The following SARNP variants were observed in gnomAD, a reference collection of about 807,000 sequenced individuals.
SARNP encodes SAP domain-containing ribonucleoprotein.
A neutral mutation model predicts 38.1 loss-of-function variants in SARNP; 5 were observed. The observed-to-expected ratio is 0.13, with a 90% confidence interval of 0.07 to 0.28. The LOEUF (loss-of-function observed/expected upper bound fraction) is 0.28, where lower values mean the gene tolerates loss of function less well. Ranked by LOEUF, SARNP falls within the 10% of genes least tolerant of loss-of-function variation. SARNP has a pLI of 1.00. For missense variants in SARNP, 180 were observed against 243.9 expected (o/e 0.74, Z 1.75); for synonymous variants, 84 against 80.6 (o/e 1.04, Z -0.23).
chr12:55,800,191 A>G (rs1247575928), intron 4 of SARNP, among the ~76,000 whole-genome samples: 1 of 135,468 alleles, frequency 7.4e-6, no homozygotes, highest in Non-Finnish European at 1.5e-5. Context: ...ATCCTGTCTC[A>G]AAAAAAAAAA....
intron 5 of SARNP, 42 bp downstream of exon 5, chr12:55,795,983 G>A (rs376857767): frequency 1.5e-6 from 2 of 1,352,166 alleles, no homozygotes; most frequent in Non-Finnish European, 2.1e-6. Flanking sequence ...AAGAGGGAGA[G>A]AGAAATGTAG....
chr12:55,762,330 G>C (rs1408888431), intron 9 of SARNP, among the ~76,000 whole-genome samples: 2 of 146,828 alleles, frequency 1.4e-5, no homozygotes, highest in Non-Finnish European at 3.0e-5. Flanking sequence ...TTTTGAGACA[G>C]AGTCTTACTT....
intron 3 of SARNP, 99 bp downstream of exon 3, chr12:55,800,755 A>G: frequency 7.6e-7 from 1 of 1,308,780 alleles, no homozygotes; most frequent in Non-Finnish European, 1.1e-6. Flanking sequence ...ATGCTCCCCT[A>G]ATAAATTTAC....
At chr12:55,787,127 G>A (rs996377899) in intron 9 of SARNP, among the ~76,000 whole-genome samples, 4 of 151,842 alleles carry the variant, frequency 2.6e-5, no homozygotes, top group African/African-American at 7.3e-5. Context: ...ACCTACTCAG[G>A]AGGCTGAGGT....
At chr12:55,808,797 C>T (rs1880234412) in intron 1 of SARNP, among the ~76,000 whole-genome samples, 1 of 151,662 alleles carries the variant, frequency 6.6e-6, no homozygotes, top group South Asian at 2.1e-4. Flanking sequence ...TGAATAAAAA[C>T]ATAAAACAGC....
chr12:55,777,142 G>GA lies in SARNP; in HGVS notation c.501+11932dup, dbSNP rs750449494. Among the ~76,000 whole-genome samples, 81 of 152,268 alleles carry GA rather than the reference G, an allele frequency of 5.3e-4. 1 individual carries two copies. The highest frequency in any genetic ancestry group is 1.8e-4 in the Non-Finnish European group (12 of 68,014). The stretch of plus-strand genomic sequence containing the variant: ...TTTCTTACTACAAATTTCTTTACCT[G>GA]AAGTTCTTCAGGTGCAAATTCAATG... On this transcript the variant is annotated intron_variant, in intron 9 of 10. Transcript: ENST00000336133.
chr12:55,777,014 T>C (rs1387291123), intron 9 of SARNP, among the ~76,000 whole-genome samples: 2 of 152,160 alleles, frequency 1.3e-5, no homozygotes, highest in African/African-American at 4.8e-5. Flanking sequence ...AAGAGAGGCA[T>C]AAAACTTGTT....
At chr12:55,794,189 C>T in intron 7 of SARNP, 170 bp downstream of exon 7, 1 of 630,690 alleles carries the variant, frequency 1.6e-6, no homozygotes, top group Non-Finnish European at 2.8e-6. Flanking sequence ...CTCTTAATTG[C>T]CCAGGAAGGC....
chr12:55,800,500 T>C (rs1261141105), intron 4 of SARNP, 62 bp downstream of exon 4: 2 of 1,135,316 alleles, frequency 1.8e-6, no homozygotes, highest in African/African-American at 1.6e-5. Flanking sequence ...AAGTTAAACA[T>C]TAAATACATT....
chr12:55,783,788 T>C (rs1261673371), intron 9 of SARNP, among the ~76,000 whole-genome samples: 1 of 151,722 alleles, frequency 6.6e-6, no homozygotes, highest in Non-Finnish European at 1.5e-5. Flanking sequence ...GATGAGCAGA[T>C]TGTGACAATT....
chr12:55,772,862 G>T (rs750065056), intron 9 of SARNP, among the ~76,000 whole-genome samples: 6 of 151,864 alleles, frequency 4.0e-5, no homozygotes, highest in Non-Finnish European at 7.4e-5. Flanking sequence ...TTACAGGCAC[G>T]CAACACCACG....
At chr12:55,774,093 C>G (rs1879091465) in intron 9 of SARNP, among the ~76,000 whole-genome samples, 1 of 152,076 alleles carries the variant, frequency 6.6e-6, no homozygotes, top group Non-Finnish European at 1.5e-5. Context: ...CAGCCTGGAC[C>G]TCCTTGGCTC....
chr12:55,773,699 G>T (rs965829740), intron 9 of SARNP, among the ~76,000 whole-genome samples: 50 of 152,098 alleles, frequency 3.3e-4, no homozygotes, highest in African/African-American at 1.2e-3. Flanking sequence ...GGGGGAAAAG[G>T]AAAATGGGAT....
intron 9 of SARNP, among the ~76,000 whole-genome samples, chr12:55,776,382 T>C (rs1017934538): frequency 2.0e-5 from 3 of 152,106 alleles, no homozygotes; most frequent in African/African-American, 7.2e-5. Flanking sequence ...CAGTGAGCCA[T>C]GATCTGGGAC....
At chr12:55,792,197 A>G (rs143698776) in intron 7 of SARNP, among the ~76,000 whole-genome samples, 1 of 152,292 alleles carries the variant, frequency 6.6e-6, no homozygotes, top group African/African-American at 2.4e-5. Context: ...TTTTTTTCTA[A>G]AACACTTAGT....
chr12:55,774,170 T>C (rs1344236429), intron 9 of SARNP, among the ~76,000 whole-genome samples: 4 of 152,058 alleles, frequency 2.6e-5, no homozygotes, highest in Admixed American at 6.5e-5. Context: ...ACCCAGCTAA[T>C]TGTTTATTTT....
downstream of SARNP, chr12:55,755,731 G>A (rs886423455): frequency 2.6e-5 from 4 of 152,074 alleles, no homozygotes; most frequent in South Asian, 2.1e-4. Context: ...TGGCTTGGAG[G>A]TTAGAGACTT....
chr12:55,767,093 A>G (rs554162989), intron 9 of SARNP, among the ~76,000 whole-genome samples: 41 of 152,354 alleles, frequency 2.7e-4, no homozygotes, highest in African/African-American at 9.9e-4. Flanking sequence ...TACAAATTAC[A>G]TGTGTAAAGA....
At chr12:55,764,519 GA>G in intron 9 of SARNP, among the ~76,000 whole-genome samples, 2 of 129,492 alleles carry the variant, frequency 1.5e-5, no homozygotes, top group Non-Finnish European at 3.2e-5. Flanking sequence ...CAACAAGAGC[GA>G]AACTCCATTT....
Sources: gnomAD v4.1 joint callset for allele counts (sites outside exome capture counted in the v4.1 genomes callset) on GRCh38, gnomAD v4.1.1 for gene constraint, MANE v1.5 for transcripts, NCBI Gene and HGNC (gene_info 2026-07-23, HGNC 2026-07-21) for gene names.